Variants in EXT1 observed in about 807,000 individuals in gnomAD.
EXT1 encodes the protein exostosin glycosyltransferase 1, also known as exostosin-1.
Under a neutral mutation model 82.5 loss-of-function variants are expected in EXT1, and 20 were observed. The ratio of observed to expected loss-of-function variants is 0.24; its 90% CI spans 0.17 to 0.35. The LOEUF is 0.35. EXT1 is among the 10% of genes least tolerant of loss of function. The probability of loss-of-function intolerance (pLI) is 1.00; values close to 1 mark genes in which losing one functional copy is unlikely to be tolerated. For synonymous variants in EXT1, 348 were observed against 350.8 expected (o/e 0.99, Z 0.09); for missense variants, 757 against 936.5 (o/e 0.81, Z 2.50).
rs535927514 is a variant in EXT1 at position 118,109,590 on chromosome 8, G to A, written c.962+495C>T. ...ATTTCCACGGCTAACATGAATTACA[G>A]GCTTACAGAAAATGTGAAGTTGGGA... On this transcript the variant is annotated intron_variant, in intron 1 of 10. Coordinates refer to ENST00000378204, the MANE Select transcript of EXT1 (RefSeq NM_000127.3). Among the ~76,000 whole-genome samples, 4 of 152,186 alleles carry A rather than the reference G, an allele frequency of 2.6e-5. No homozygotes were observed. The South Asian group carries it at 8.3e-4, about 32-fold the overall frequency.
intron 1 of EXT1, among the ~76,000 whole-genome samples, chr8:118,073,223 T>C (rs1388203311): frequency 2.6e-5 from 4 of 152,222 alleles, no homozygotes; most frequent in East Asian, 3.8e-4. Context: ...TAGTGACATA[T>C]GCTATACATT....
chr8:117,845,433 C>T (rs534940512), intron 1 of EXT1, among the ~76,000 whole-genome samples: 13 of 152,156 alleles, frequency 8.5e-5, no homozygotes, highest in Middle Eastern at 3.4e-3. Flanking sequence ...GTAATTGCTA[C>T]CTGTGTATAT....
At chr8:117,959,776 T>G (rs1271146532) in intron 1 of EXT1, among the ~76,000 whole-genome samples, 2 of 152,122 alleles carry the variant, frequency 1.3e-5, no homozygotes, top group African/African-American at 4.8e-5. Flanking sequence ...GGAACCCAAG[T>G]TAAGGAGGGT....
intron 1 of EXT1, among the ~76,000 whole-genome samples, chr8:118,005,186 T>C (rs1815748130): frequency 6.6e-6 from 1 of 152,146 alleles, no homozygotes; most frequent in Non-Finnish European, 1.5e-5. Context: ...TCAGAGACCA[T>C]CACATGCTTA....
At chr8:118,076,002 A>G (rs924940786) in intron 1 of EXT1, among the ~76,000 whole-genome samples, 2 of 152,202 alleles carry the variant, frequency 1.3e-5, no homozygotes, top group African/African-American at 4.8e-5. Context: ...GATAAAGAGA[A>G]AACAAATACA....
In EXT1 at chr8:117,795,475, C is replaced by A. The variant is rs572084909; in HGVS notation, c.*4237G>T. On this transcript the variant is annotated 3_prime_UTR_variant, in exon 11 of 11. Coordinates refer to ENST00000378204, the MANE Select transcript of EXT1 (RefSeq NM_000127.3). ...GACCACTATCTTAGGGTACTTAATC[C>A]CCCAAGCTTTTTTTTTTTTTTAAAG... 1 of 132,450 alleles carries A rather than the reference C, an allele frequency of 7.6e-6. No homozygotes were observed. Among genetic ancestry groups the A allele is most frequent in the Non-Finnish European group, 1.6e-5 (1 of 64,036 alleles). 8.2% of individuals were successfully genotyped at this position (132,450 alleles called of 1,614,324 possible). A position where few individuals can be genotyped will look rare whatever the true frequency, so the allele number is the denominator to read the frequency against.
intron 1 of EXT1, among the ~76,000 whole-genome samples, chr8:118,033,408 TTTAAGTCAGAC>T (rs1286206164): frequency 2.0e-5 from 3 of 152,244 alleles, no homozygotes; most frequent in African/African-American, 7.2e-5. Flanking sequence ...TTACTTAAGA[TTTAAGTCAGAC>T]TTAAGTCAGA....
At chr8:117,923,458 C>T (rs1047858267) in intron 1 of EXT1, among the ~76,000 whole-genome samples, 2 of 151,970 alleles carry the variant, frequency 1.3e-5, no homozygotes, top group Non-Finnish European at 2.9e-5. Flanking sequence ...TGGCTCACAC[C>T]TGTAATCCCA....
chr8:117,819,879 G>A (rs1165651445), intron 5 of EXT1, 85 bp from the exon 6 acceptor site: 1 of 1,256,034 alleles, frequency 8.0e-7, no homozygotes, highest in East Asian at 2.3e-5. Context: ...GCTGCCTCAT[G>A]CTGGAGCAAA....
chr8:118,046,089 C>A (rs980421103), intron 1 of EXT1, among the ~76,000 whole-genome samples: 6 of 151,724 alleles, frequency 4.0e-5, no homozygotes, highest in African/African-American at 1.2e-4. Context: ...AGCCACCGTG[C>A]CCAGCCTAGA....
Position 118,022,406 on chromosome 8 carries a change from C to T in EXT1, c.962+87679G>A, listed in dbSNP as rs562268919. Among the ~76,000 whole-genome samples, 9 of 126,044 alleles carry T rather than the reference C, an allele frequency of 7.1e-5. No individual in the cohort carries two copies. The South Asian group carries it at 1.6e-3, about 23-fold the overall frequency. 82.7% of individuals were successfully genotyped at this position (126,044 alleles called of 152,430 possible). A position where few individuals can be genotyped will look rare whatever the true frequency, so the allele number is the denominator to read the frequency against. ...AGGCTGGAGTGCAGTGGCACGATCT[C>T]GGCTCACTGCAACCTCCACCTCCCA... is the stretch of plus-strand genomic sequence containing the variant. On this transcript the variant is annotated intron_variant, in intron 1 of 10. Transcript: ENST00000378204.
At chr8:117,883,251 C>T (rs537275503) in intron 1 of EXT1, among the ~76,000 whole-genome samples, 122 of 152,278 alleles carry the variant, frequency 8.0e-4, no homozygotes, top group Non-Finnish European at 1.4e-3. Context: ...TTTTGAGTAT[C>T]GGAACATTTA....
At chr8:117,989,693 T>C (rs1489254475) in intron 1 of EXT1, among the ~76,000 whole-genome samples, 1 of 152,236 alleles carries the variant, frequency 6.6e-6, no homozygotes, top group Admixed American at 6.5e-5. Flanking sequence ...AAGTCAGTTT[T>C]CAGCATCAAC....
chr8:117,905,751 G>T (rs1265088193), intron 1 of EXT1, among the ~76,000 whole-genome samples: 1 of 152,234 alleles, frequency 6.6e-6, no homozygotes, highest in African/African-American at 2.4e-5. Flanking sequence ...GGCGGAGCTT[G>T]CAGTGAGCCG....
At chr8:117,843,901 T>A (rs549171280) in intron 1 of EXT1, among the ~76,000 whole-genome samples, 1 of 152,200 alleles carries the variant, frequency 6.6e-6, no homozygotes, top group African/African-American at 2.4e-5. Context: ...CCATACAACA[T>A]GCAGTGTCTA....
At chr8:117,854,478 T>C (rs1006699270) in intron 1 of EXT1, among the ~76,000 whole-genome samples, 3 of 151,432 alleles carry the variant, frequency 2.0e-5, no homozygotes, top group Admixed American at 1.3e-4. Flanking sequence ...ACACACACCA[T>C]ATATATATTT....
intron 1 of EXT1, among the ~76,000 whole-genome samples, chr8:117,956,462 AT>A (rs1222156036): frequency 2.6e-5 from 4 of 151,986 alleles, no homozygotes; most frequent in African/African-American, 9.7e-5. Flanking sequence ...AAAAAAAAAA[AT>A]TTTTGAGACA....
chr8:118,049,025 A>G (rs1816675779), intron 1 of EXT1, among the ~76,000 whole-genome samples: 1 of 152,224 alleles, frequency 6.6e-6, no homozygotes, highest in Non-Finnish European at 1.5e-5. Flanking sequence ...AAGAAATCCC[A>G]AATTGTAAAA....
At chr8:118,065,678 T>C (rs1816972777) in intron 1 of EXT1, among the ~76,000 whole-genome samples, 1 of 152,216 alleles carries the variant, frequency 6.6e-6, no homozygotes, top group Non-Finnish European at 1.5e-5. Flanking sequence ...TTTGGGAAAT[T>C]GCTAAAGGTA....
Sources: allele counts gnomAD v4.1 joint callset (sites outside exome capture counted in the v4.1 genomes callset), GRCh38; gene constraint gnomAD v4.1.1; transcripts MANE v1.5; gene names NCBI Gene and HGNC (gene_info 2026-07-23, HGNC 2026-07-21).